The following ARB2A variants were observed in gnomAD, a reference collection of about 807,000 sequenced individuals.
ARB2A encodes cotranscriptional regulator ARB2A.
the ARB2A span, among the ~76,000 whole-genome samples, chr5:93,788,347 G>A: frequency 6.6e-6 from 1 of 152,140 alleles, no homozygotes; most frequent in African/African-American, 2.4e-5. Context: ...CCAAAGGGAG[G>A]TGCGGGAGGG....
the ARB2A span, among the ~76,000 whole-genome samples, chr5:93,771,687 C>CA: frequency 1.3e-5 from 2 of 152,100 alleles, no homozygotes; most frequent in Non-Finnish European, 2.9e-5. Flanking sequence ...TTTATGCAGC[C>CA]AAAAAACACA....
chr5:93,997,377 G>T, the ARB2A span, among the ~76,000 whole-genome samples: 54 of 151,980 alleles, frequency 3.6e-4, no homozygotes, highest in Non-Finnish European at 6.6e-4. Context: ...GATGAAAAGC[G>T]TTCAGATGAA....
the ARB2A span, among the ~76,000 whole-genome samples, chr5:93,847,284 C>G: frequency 6.6e-6 from 1 of 152,118 alleles, no homozygotes; most frequent in African/African-American, 2.4e-5. Context: ...AGCTAGATTT[C>G]TTAACATATA....
At chr5:94,014,887 C>A in the ARB2A span, among the ~76,000 whole-genome samples, 2 of 148,964 alleles carry the variant, frequency 1.3e-5, no homozygotes, top group Admixed American at 6.8e-5. Flanking sequence ...AGACCACCTA[C>A]GAGATACAGA....
chr5:93,645,488 C>T, the ARB2A span, among the ~76,000 whole-genome samples: 50 of 151,560 alleles, frequency 3.3e-4, 2 homozygotes, highest in African/African-American at 1.2e-3. Context: ...GCAGGAGAAT[C>T]GCTTGAACCC....
chr5:94,073,288 AC>A, the ARB2A span, among the ~76,000 whole-genome samples: 1 of 151,978 alleles, frequency 6.6e-6, no homozygotes, highest in Admixed American at 6.6e-5. Context: ...TAACCCTTAC[AC>A]CCCCATTTGT....
the ARB2A span, among the ~76,000 whole-genome samples, chr5:93,722,855 T>A: frequency 6.6e-6 from 1 of 152,158 alleles, no homozygotes; most frequent in African/African-American, 2.4e-5. Context: ...ATATTCAGCA[T>A]GTATAACAAT....
At chr5:93,943,698 A>T in the ARB2A span, among the ~76,000 whole-genome samples, 6 of 152,122 alleles carry the variant, frequency 3.9e-5, no homozygotes, top group Non-Finnish European at 8.8e-5. Context: ...TGAAGACTGG[A>T]GTTGAGGGCT....
chr5:93,633,262 TAG>T, the ARB2A span, among the ~76,000 whole-genome samples: 8 of 152,248 alleles, frequency 5.3e-5, no homozygotes, highest in African/African-American at 1.9e-4. Flanking sequence ...GTAGATCATT[TAG>T]AGTTCAGAAA....
chr5:93,796,362 A>G, the ARB2A span, among the ~76,000 whole-genome samples: 1 of 152,160 alleles, frequency 6.6e-6, no homozygotes, highest in Non-Finnish European at 1.5e-5. Flanking sequence ...ATGGTATAGC[A>G]CTAATGTGAT....
chr5:93,739,672 T>G, the ARB2A span: 180 of 152,214 alleles, frequency 1.2e-3, no homozygotes, highest in African/African-American at 4.1e-3. Context: ...GAGATGAAAT[T>G]AGAAGAGTTA....
chr5:93,845,611 T>C, the ARB2A span, among the ~76,000 whole-genome samples: 1 of 152,188 alleles, frequency 6.6e-6, no homozygotes, highest in African/African-American at 2.4e-5. Context: ...AAAAAAGCCA[T>C]AATGGCAAGG....
the ARB2A span, chr5:93,741,199 A>T: frequency 1.2e-6 from 2 of 1,613,866 alleles, no homozygotes; most frequent in Admixed American, 3.3e-5. Flanking sequence ...CTCTTTCAGT[A>T]TGCCCGAGAT....
At chr5:93,870,730 G>T in the ARB2A span, among the ~76,000 whole-genome samples, 16 of 152,312 alleles carry the variant, frequency 1.1e-4, no homozygotes, top group East Asian at 2.3e-3. Context: ...GCCACATAAG[G>T]GGGGGTGGAA....
At chr5:93,937,363 G>T in the ARB2A span, among the ~76,000 whole-genome samples, 107,533 of 150,186 alleles carry the variant, frequency 0.72, 40,055 homozygotes, top group South Asian at 0.85. Context: ...AGCACTTTGG[G>T]AGGCCAAGGT....
At chr5:94,035,196 C>CATACATATATATATACATATACAT in the ARB2A span, among the ~76,000 whole-genome samples, 1 of 129,630 alleles carries the variant, frequency 7.7e-6, no homozygotes, top group Non-Finnish European at 1.6e-5. Flanking sequence ...GGATCTTATA[C>CATACATATATATATACATATACAT]ATACATATAC....
chr5:93,778,342 C>G, the ARB2A span, among the ~76,000 whole-genome samples: 2 of 152,242 alleles, frequency 1.3e-5, no homozygotes, highest in Admixed American at 1.3e-4. Context: ...GATTAGCACA[C>G]AATTAGCCAG....
At chr5:93,779,092 T>TGA in the ARB2A span, among the ~76,000 whole-genome samples, 4 of 120,118 alleles carry the variant, frequency 3.3e-5, no homozygotes, top group African/African-American at 1.4e-4. Flanking sequence ...CATTTCAGAG[T>TGA]GTGTGTGTGT....
chr5:93,791,329 T>C, the ARB2A span, among the ~76,000 whole-genome samples: 1 of 152,208 alleles, frequency 6.6e-6, no homozygotes, highest in African/African-American at 2.4e-5. Context: ...AATTTGATCA[T>C]CGTATATATA....
Sources: allele counts gnomAD v4.1 joint callset (sites outside exome capture counted in the v4.1 genomes callset), GRCh38; gene constraint gnomAD v4.1.1; transcripts MANE v1.5; gene names NCBI Gene and HGNC (gene_info 2026-07-23, HGNC 2026-07-21).